The following AP2B1 variants were observed in gnomAD, a reference collection of about 807,000 sequenced individuals.
AP2B1 encodes AP-2 complex subunit beta.
Under a neutral mutation model 102.0 loss-of-function variants are expected in AP2B1, and 23 were observed. That is an observed-to-expected ratio of 0.23 (90% confidence interval 0.16 to 0.32). The LOEUF (loss-of-function observed/expected upper bound fraction) is 0.32. Among genes scored for constraint, AP2B1 ranks in the 10% least tolerant of loss-of-function variants. The probability of loss-of-function intolerance (pLI) is 1.00; values close to 1 mark genes in which losing one functional copy is unlikely to be tolerated. For synonymous variants in AP2B1, 381 were observed against 421.2 expected, an observed-to-expected ratio of 0.90 and a Z score of 1.17; for missense variants, 541 against 1,157.4, an observed-to-expected ratio of 0.47 and a Z score of 7.73.
chr17:35,632,828 T>G (rs556774808), intron 9 of AP2B1, among the ~76,000 whole-genome samples: 2 of 152,058 alleles, frequency 1.3e-5, no homozygotes, highest in African/African-American at 4.8e-5. Flanking sequence ...GAGCTTTATA[T>G]CAAGCACTGT....
chr17:35,693,861 A>G (rs1231870099), intron 18 of AP2B1, among the ~76,000 whole-genome samples: 2 of 152,210 alleles, frequency 1.3e-5, no homozygotes, highest in Non-Finnish European at 2.9e-5. Context: ...ATCTGTGTTC[A>G]GTGGCCTGCC....
Position 35,674,374 on chromosome 17 carries a change from CCAA to C in AP2B1, c.2324+57_2324+59del. On this transcript the variant is annotated intron_variant, in intron 17 of 21. Coordinates refer to ENST00000610402, the MANE Select transcript of AP2B1 (RefSeq NM_001030006.2). ...GTTGAGACAACAGTTTGCCTTAGAA[CCAA>C]CAAGAGAACATTCCATTTAGCACTG... The C allele has an allele frequency of 1.2e-5, 19 of 1,597,130 alleles. No homozygotes were observed. In the Middle Eastern group the frequency reaches 2.7e-3, roughly 224 times the overall value.
intron 14 of AP2B1, among the ~76,000 whole-genome samples, chr17:35,665,182 A>G (rs915949291): frequency 7.1e-6 from 1 of 140,960 alleles, no homozygotes; most frequent in Non-Finnish European, 1.5e-5. Flanking sequence ...GCTAGAAAGC[A>G]GTGGCACTAT....
chr17:35,667,009 T>C (rs1413983895), intron 14 of AP2B1, among the ~76,000 whole-genome samples: 1 of 152,244 alleles, frequency 6.6e-6, no homozygotes, highest in Non-Finnish European at 1.5e-5. Flanking sequence ...ATAGCTACTG[T>C]CTAGTTCAGG....
At chr17:35,595,092 G>C (rs1375025122) in intron 2 of AP2B1, among the ~76,000 whole-genome samples, 1 of 152,180 alleles carries the variant, frequency 6.6e-6, no homozygotes, top group Non-Finnish European at 1.5e-5. Context: ...GTTGCAGTGA[G>C]TTGCTTAATT....
intron 21 of AP2B1, among the ~76,000 whole-genome samples, 182 bp from the exon 22 acceptor site, chr17:35,723,443 T>C (rs1395970992): frequency 1.3e-5 from 2 of 152,260 alleles, no homozygotes; most frequent in African/African-American, 4.8e-5. Context: ...CAACTTGATA[T>C]TGATTAAATT....
At chr17:35,618,603 G>A (rs903502371) in intron 5 of AP2B1, among the ~76,000 whole-genome samples, 1 of 152,212 alleles carries the variant, frequency 6.6e-6, no homozygotes, top group Non-Finnish European at 1.5e-5. Flanking sequence ...AAATTAGAGT[G>A]CAAGGTGAAA....
chr17:35,636,964 C>T (rs2074624454), intron 10 of AP2B1, among the ~76,000 whole-genome samples: 1 of 152,086 alleles, frequency 6.6e-6, no homozygotes, highest in South Asian at 2.1e-4. Flanking sequence ...CATTATCAGT[C>T]TCATGCCTTT....
Position 35,724,953 on chromosome 17 carries a change from C to T in AP2B1, c.*1254C>T, listed in dbSNP as rs2143016977. The T allele has an allele frequency of 6.6e-6, 1 of 152,320 alleles. No homozygotes were observed. Among genetic ancestry groups the T allele is most frequent in the African/African-American group, 2.4e-5 (1 of 41,552 alleles). 9.4% of individuals were successfully genotyped at this position (152,320 alleles called of 1,614,324 possible). On this transcript the variant is annotated 3_prime_UTR_variant, in exon 22 of 22. Coordinates refer to ENST00000610402, the MANE Select transcript of AP2B1 (RefSeq NM_001030006.2). Reference sequence around the variant, plus strand: ...AGGTGTAGCCAGTGTTTCCCATATGCCCCTGGAGCCCCACTTATTGAGGCC... The same window carrying T: ...AGGTGTAGCCAGTGTTTCCCATATGTCCCTGGAGCCCCACTTATTGAGGCC...
At chr17:35,653,198 G>A (rs2075132506) in intron 13 of AP2B1, among the ~76,000 whole-genome samples, 2 of 152,136 alleles carry the variant, frequency 1.3e-5, no homozygotes. Flanking sequence ...TTTAGACCAT[G>A]TTTTCAATTG....
intron 4 of AP2B1, among the ~76,000 whole-genome samples, chr17:35,606,954 G>A (rs2073698105): frequency 6.7e-6 from 1 of 149,730 alleles, no homozygotes; most frequent in Admixed American, 6.7e-5. Context: ...TGCCCGGGCT[G>A]GAGTGCAATG....
rs1402443420 is a variant in AP2B1, at chr17:35,636,355, C to T, written c.1170C>T (p.Arg390=). 1 of 1,613,330 alleles carries T rather than the reference C, an allele frequency of 6.2e-7. No individual in the cohort carries two copies. The highest frequency in any genetic ancestry group is 1.1e-5 in the South Asian group (1 of 91,046). Residue 390 remains arginine, a synonymous_variant, in exon 10 of 22, where the codon CGC becomes CGT. Transcript: ENST00000610402. ...TTTCTTCCCAGCAATCTGCAGAGCGCTGTGTAAGCACATTGCTTGATCTAA... is the reference window on the plus strand; with the variant it reads ...TTTCTTCCCAGCAATCTGCAGAGCGTTGTGTAAGCACATTGCTTGATCTAA... The part of the protein sequence containing the change: ...CAIKVEQSAE[R]CVSTLLDLIQ...
intron 5 of AP2B1, among the ~76,000 whole-genome samples, chr17:35,619,145 T>G (rs1015825344): frequency 3.9e-5 from 6 of 152,208 alleles, no homozygotes; most frequent in Non-Finnish European, 8.8e-5. Context: ...TTTCTGGCTG[T>G]GTTGACCCTA....
At chr17:35,596,285 G>A (rs966683878) in intron 2 of AP2B1, among the ~76,000 whole-genome samples, 2 of 152,178 alleles carry the variant, frequency 1.3e-5, no homozygotes, top group African/African-American at 2.4e-5. Flanking sequence ...GGATTTGGCA[G>A]GATGGGACAT....
At chr17:35,613,363 C>T (rs2073923155) in intron 5 of AP2B1, among the ~76,000 whole-genome samples, 1 of 151,904 alleles carries the variant, frequency 6.6e-6, no homozygotes, top group Non-Finnish European at 1.5e-5. Flanking sequence ...TTCCTAGTGA[C>T]ACTGTGCCTT....
chr17:35,650,971 C>CTG, intron 13 of AP2B1, 182 bp downstream of exon 13: 1 of 622,878 alleles, frequency 1.6e-6, no homozygotes, highest in South Asian at 2.2e-5. Context: ...CCCCAGGGAG[C>CTG]TCCATCTGAA....
At chr17:35,644,839 C>A (rs2074881836) in intron 12 of AP2B1, among the ~76,000 whole-genome samples, 1 of 152,104 alleles carries the variant, frequency 6.6e-6, no homozygotes, top group Non-Finnish European at 1.5e-5. Context: ...TTCGACCAGC[C>A]TGTGCAACAT....
At position 35,659,693 on chromosome 17, in the gene AP2B1, T is replaced by C. The variant is rs1220040107; in HGVS notation, c.1989+1902T>C. The C allele has an allele frequency of 5.2e-6, 3 of 578,534 alleles. No individual in the cohort carries two copies. In the African/African-American group the frequency reaches 6.1e-5, roughly 12 times the overall value. 35.8% of individuals were successfully genotyped at this position (578,534 alleles called of 1,614,324 possible). A position where few individuals can be genotyped will look rare whatever the true frequency, so the allele number is the denominator to read the frequency against. The stretch of plus-strand genomic sequence containing the variant: ...AACCTTTGCTAGATAGGCCCAGTTA[T>C]GTTTTTATGTAACTCTAAATTTTAA... On this transcript the variant is annotated intron_variant, in intron 14 of 21. Coordinates refer to ENST00000610402, the MANE Select transcript of AP2B1 (RefSeq NM_001030006.2).
At chr17:35,712,930 T>A (rs1412754458) in intron 20 of AP2B1, among the ~76,000 whole-genome samples, 1 of 152,186 alleles carries the variant, frequency 6.6e-6, no homozygotes, top group Non-Finnish European at 1.5e-5. Context: ...CCAGAGTGAT[T>A]GGAAAGCAGG....
Sources: gnomAD v4.1 joint callset for allele counts (sites outside exome capture counted in the v4.1 genomes callset) on GRCh38, gnomAD v4.1.1 for gene constraint, MANE v1.5 for transcripts, NCBI Gene and HGNC (gene_info 2026-07-23, HGNC 2026-07-21) for gene names.